CCDC60: variants seen among roughly 807,000 people sequenced by gnomAD.
CCDC60 encodes coiled-coil domain-containing protein 60.
In CCDC60, 54 loss-of-function variants were observed where a neutral mutation model predicts 63.5. The ratio of observed to expected loss-of-function variants is 0.85; its 90% CI spans 0.68 to 1.07. The LOEUF is 1.07. Among genes scored for constraint, CCDC60 ranks in the 50% least tolerant of loss-of-function variants. The probability of loss-of-function intolerance (pLI) is 0.00; values close to 1 mark genes in which losing one functional copy is unlikely to be tolerated. For missense variants in CCDC60, 651 were observed against 684.3 expected (o/e 0.95, Z 0.54); for synonymous variants, 206 against 238.8 (o/e 0.86, Z 1.27).
intron 1 of CCDC60, among the ~76,000 whole-genome samples, chr12:119,337,838 G>GTA (rs1268100243): frequency 9.8e-4 from 148 of 151,544 alleles, no homozygotes; most frequent in African/African-American, 3.2e-3. Context: ...GTGTGTGTGT[G>GTA]TGTGTGTGTG....
intron 2 of CCDC60, among the ~76,000 whole-genome samples, chr12:119,462,769 T>C (rs951511162): frequency 1.3e-5 from 2 of 151,892 alleles, no homozygotes; most frequent in South Asian, 2.1e-4. Context: ...CATTGGCATA[T>C]GCTACCATGC....
intron 6 of CCDC60, among the ~76,000 whole-genome samples, chr12:119,501,705 C>A (rs1951856910): frequency 1.3e-5 from 2 of 152,104 alleles, no homozygotes; most frequent in Admixed American, 1.3e-4. Context: ...GCAGCAGGAG[C>A]TACAAACCTT....
chr12:119,492,424 A>T (rs1951612316), intron 5 of CCDC60, among the ~76,000 whole-genome samples: 1 of 152,194 alleles, frequency 6.6e-6, no homozygotes, highest in Non-Finnish European at 1.5e-5. Context: ...ACTGTTCGGG[A>T]TTCATTTTTA....
At chr12:119,507,647 A>G (rs1399340548) in intron 7 of CCDC60, among the ~76,000 whole-genome samples, 5 of 117,926 alleles carry the variant, frequency 4.2e-5, no homozygotes, top group Non-Finnish European at 6.7e-5. Flanking sequence ...ACAGGGTCTC[A>G]CTCTGTTGCC....
chr12:119,439,192 G>C (rs1428120404), intron 2 of CCDC60, among the ~76,000 whole-genome samples: 1 of 142,764 alleles, frequency 7.0e-6, no homozygotes, highest in African/African-American at 2.6e-5. Context: ...CTCAGTCCCT[G>C]CATTGCCCTA....
intron 2 of CCDC60, among the ~76,000 whole-genome samples, chr12:119,443,952 TACAC>T (rs1950492814): frequency 2.0e-5 from 3 of 152,300 alleles, no homozygotes; most frequent in South Asian, 4.1e-4. Context: ...ACATAAGTGT[TACAC>T]ACAGGCACAC....
chr12:119,526,667 A>G (rs1219532601), intron 11 of CCDC60, among the ~76,000 whole-genome samples: 1 of 152,228 alleles, frequency 6.6e-6, no homozygotes, highest in Non-Finnish European at 1.5e-5. Context: ...AAAAAGCTCA[A>G]CATCACTGAT....
intron 1 of CCDC60, among the ~76,000 whole-genome samples, chr12:119,404,668 A>G (rs12371047): frequency 0.23 from 34,790 of 152,130 alleles, 4,479 homozygotes; most frequent in East Asian, 0.57. Flanking sequence ...CAAAGACCCC[A>G]ACAGGGATGA....
chr12:119,450,446 A>G (rs1326943612), intron 2 of CCDC60, among the ~76,000 whole-genome samples: 1 of 152,236 alleles, frequency 6.6e-6, no homozygotes, highest in African/African-American at 2.4e-5. Flanking sequence ...AAGGATGAGT[A>G]GAAGTTTGCC....
intron 1 of CCDC60, among the ~76,000 whole-genome samples, chr12:119,355,266 G>A (rs1161644701): frequency 6.6e-6 from 1 of 152,116 alleles, no homozygotes; most frequent in African/African-American, 2.4e-5. Context: ...AAAATTGTTG[G>A]CCTGGGTTCA....
intron 1 of CCDC60, among the ~76,000 whole-genome samples, chr12:119,394,264 T>C (rs966460714): frequency 3.3e-5 from 5 of 152,212 alleles, no homozygotes; most frequent in South Asian, 2.1e-4. Flanking sequence ...AAGCAGAAGC[T>C]TGAGGATTTG....
At chr12:119,534,191 GGAGTTCACCCAT>G (rs1158944208) in intron 13 of CCDC60, among the ~76,000 whole-genome samples, 1 of 152,116 alleles carries the variant, frequency 6.6e-6, no homozygotes, top group Non-Finnish European at 1.5e-5. Flanking sequence ...ATTGTGAATG[GGAGTTCACCCAT>G]GATTTGGCTC....
intron 3 of CCDC60, among the ~76,000 whole-genome samples, chr12:119,475,235 A>G (rs188211541): frequency 2.0e-5 from 3 of 152,244 alleles, no homozygotes; most frequent in African/African-American, 7.2e-5. Context: ...TTCAGGAGCT[A>G]TGCTCAGATT....
At chr12:119,353,690 C>A (rs929116105) in intron 1 of CCDC60, among the ~76,000 whole-genome samples, 1 of 146,096 alleles carries the variant, frequency 6.8e-6, no homozygotes, top group Admixed American at 7.1e-5. Flanking sequence ...TTACTGCAAC[C>A]TCTGCCTCCA....
intron 11 of CCDC60, among the ~76,000 whole-genome samples, chr12:119,527,680 T>TTC: frequency 7.3e-6 from 1 of 136,080 alleles, no homozygotes; most frequent in East Asian, 2.0e-4. Context: ...TTTTTTTTTT[T>TTC]TTTTTTTTTT....
intron 5 of CCDC60, among the ~76,000 whole-genome samples, chr12:119,499,053 G>A (rs180920696): frequency 6.6e-6 from 1 of 152,312 alleles, no homozygotes; most frequent in Admixed American, 6.5e-5. Context: ...GTGTTTCATT[G>A]CAGAAATATT....
chr12:119,376,821 G>A (rs1413742184), intron 1 of CCDC60, among the ~76,000 whole-genome samples: 1 of 152,088 alleles, frequency 6.6e-6, no homozygotes, highest in African/African-American at 2.4e-5. Flanking sequence ...TGGGGCTGGG[G>A]TCATTTACCC....
At chr12:119,516,581 G>A (rs2136473685) in intron 7 of CCDC60, 42 bp from the exon 8 acceptor site, 1 of 1,400,948 alleles carries the variant, frequency 7.1e-7, no homozygotes, top group Admixed American at 1.7e-5. Flanking sequence ...CCTGTCTCAG[G>A]GGTGGCTTCT....
chr12:119,421,789 T>C (rs926035815), intron 1 of CCDC60, among the ~76,000 whole-genome samples: 10 of 152,178 alleles, frequency 6.6e-5, no homozygotes, highest in African/African-American at 1.7e-4. Context: ...CCTAGGTCTT[T>C]CTGACAGCAA....
Sources: gnomAD v4.1 joint callset for allele counts (sites outside exome capture counted in the v4.1 genomes callset) on GRCh38, gnomAD v4.1.1 for gene constraint, MANE v1.5 for transcripts, NCBI Gene and HGNC (gene_info 2026-07-23, HGNC 2026-07-21) for gene names.